The following ADAM12 variants were observed in gnomAD, a reference collection of about 807,000 sequenced individuals.
ADAM12 encodes disintegrin and metalloproteinase domain-containing protein 12.
ADAM12 carries 70 observed loss-of-function variants against 106.4 expected under a neutral mutation model. The observed-to-expected ratio is 0.66, with a 90% confidence interval of 0.54 to 0.80. ADAM12 has a LOEUF of 0.80. Among genes scored for constraint, ADAM12 ranks in the 30% least tolerant of loss-of-function variants. ADAM12 has a pLI of 0.00. For synonymous variants in ADAM12, 420 were observed against 433.5 expected, an observed-to-expected ratio of 0.97 and a Z score of 0.39; for missense variants, 1,010 against 1,171.9, an observed-to-expected ratio of 0.86 and a Z score of 2.02.
chr10:126,017,852 A>C (rs1372290773), intron 22 of ADAM12, among the ~76,000 whole-genome samples: 1 of 152,244 alleles, frequency 6.6e-6, no homozygotes, highest in Admixed American at 6.5e-5. Flanking sequence ...TGTGCAGGAC[A>C]GGACCAAAAT....
intron 5 of ADAM12, among the ~76,000 whole-genome samples, chr10:126,123,939 A>C (rs3781041): frequency 1.3e-5 from 2 of 152,302 alleles, no homozygotes; most frequent in East Asian, 3.9e-4. Context: ...ATCTATTAAA[A>C]TTTTATTAGT....
chr10:126,279,166 G>A (rs1590724134), intron 2 of ADAM12, among the ~76,000 whole-genome samples, 178 bp from the exon 3 acceptor site: 1 of 152,236 alleles, frequency 6.6e-6, no homozygotes, highest in African/African-American at 2.4e-5. Flanking sequence ...CTTAAAAAGA[G>A]CAGTGAAGGC....
chr10:126,200,856 T>C, intron 3 of ADAM12, among the ~76,000 whole-genome samples: 1 of 145,766 alleles, frequency 6.9e-6, no homozygotes, highest in East Asian at 2.3e-4. Flanking sequence ...TTTGTGTACG[T>C]GATGGGGGCA....
At chr10:126,243,849 G>A (rs1958578687) in intron 3 of ADAM12, among the ~76,000 whole-genome samples, 1 of 152,156 alleles carries the variant, frequency 6.6e-6, no homozygotes, top group South Asian at 2.1e-4. Context: ...GTCGTGGGAT[G>A]GCACAGACAT....
At chr10:126,140,524 T>C (rs1381942867) in intron 4 of ADAM12, among the ~76,000 whole-genome samples, 4 of 152,152 alleles carry the variant, frequency 2.6e-5, no homozygotes. Context: ...ATCTCACTTC[T>C]CTCAGTCATT....
At chr10:126,039,563 C>T in intron 18 of ADAM12, 134 bp from the exon 19 acceptor site, 1 of 1,044,846 alleles carries the variant, frequency 9.6e-7, no homozygotes, top group Non-Finnish European at 1.4e-6. Context: ...GAGTGATGTA[C>T]TAATAAACTG....
At chr10:126,032,544 C>A (rs960987412) in intron 21 of ADAM12, among the ~76,000 whole-genome samples, 1 of 152,160 alleles carries the variant, frequency 6.6e-6, no homozygotes, top group Non-Finnish European at 1.5e-5. Flanking sequence ...GAGAAAAAAA[C>A]ACCAGCAGTA....
chr10:126,346,833 T>A (rs923920116), intron 1 of ADAM12, among the ~76,000 whole-genome samples: 1 of 152,228 alleles, frequency 6.6e-6, no homozygotes, highest in Non-Finnish European at 1.5e-5. Context: ...TATCAGAGAC[T>A]AGGTTTGCAA....
chr10:126,070,768 G>C (rs1208702231), intron 12 of ADAM12: 1 of 152,028 alleles, frequency 6.6e-6, no homozygotes. Flanking sequence ...ACTTCGAGGG[G>C]GCACCTGTTT....
At chr10:126,023,508 C>T (rs1953808928) in intron 21 of ADAM12, among the ~76,000 whole-genome samples, 1 of 152,294 alleles carries the variant, frequency 6.6e-6, no homozygotes, top group South Asian at 2.1e-4. Context: ...CAACCAAGGT[C>T]AAGACATATG....
intron 3 of ADAM12, among the ~76,000 whole-genome samples, chr10:126,217,805 C>T (rs950914590): frequency 1.3e-5 from 2 of 151,552 alleles, no homozygotes; most frequent in Non-Finnish European, 2.9e-5. Context: ...GAAACCTCAT[C>T]TCTACTAAAA....
intron 1 of ADAM12, among the ~76,000 whole-genome samples, chr10:126,373,588 T>C (rs1856185720): frequency 1.3e-5 from 2 of 152,140 alleles, no homozygotes; most frequent in Admixed American, 6.5e-5. Flanking sequence ...CAACACTGTA[T>C]CCCCAGTTCC....
rs1384143969 is a variant in ADAM12, at chr10:126,066,461, G to C, written c.1413+256C>G. The stretch of plus-strand genomic sequence containing the variant: ...ATGGAGCATTTAAAGTTGAACTAGG[G>C]TTTATCGGTCTGATCAGTTGTCAGC... On this transcript the variant is annotated intron_variant, in intron 13 of 22. Coordinates refer to ENST00000448723, the MANE Select transcript of ADAM12 (RefSeq NM_001288973.2). The surrounding 1 kb of genome is among the most constrained non-coding windows in gnomAD (Gnocchi z 5.1). 6.6e-6 allele frequency among the ~76,000 whole-genome samples: 1 copy of C among 152,200 alleles called. No homozygotes were observed. The highest frequency in any genetic ancestry group is 1.5e-5 in the Non-Finnish European group (1 of 68,036).
At chr10:126,386,369 G>T (rs1386222448) in intron 1 of ADAM12, among the ~76,000 whole-genome samples, 1 of 152,196 alleles carries the variant, frequency 6.6e-6, no homozygotes, top group East Asian at 1.9e-4. Context: ...CCAATGCAAA[G>T]AAATGTTTCA....
At chr10:126,139,551 T>C (rs1188390346) in intron 4 of ADAM12, among the ~76,000 whole-genome samples, 1 of 152,022 alleles carries the variant, frequency 6.6e-6, no homozygotes, top group African/African-American at 2.4e-5. Context: ...GGATCCTTCA[T>C]ACAACACTGA....
In ADAM12 at chr10:126,264,029, T is replaced by C. The variant is rs369755063; in HGVS notation, c.260+14886A>G. On this transcript the variant is annotated intron_variant, in intron 3 of 22. Coordinates refer to ENST00000448723, the MANE Select transcript of ADAM12 (RefSeq NM_001288973.2). ...TTGTAGGGCTAGTATTTTTAGTAAG[T>C]TTTTAATGTCACTTCATATTTTTTC... is the stretch of plus-strand genomic sequence containing the variant. Among the ~76,000 whole-genome samples, 7 of 152,244 alleles carry C rather than the reference T, an allele frequency of 4.6e-5. No individual in the cohort carries two copies. The East Asian group carries it at 5.8e-4, about 13-fold the overall frequency.
intron 10 of ADAM12, 102 bp downstream of exon 10, chr10:126,098,314 A>G (rs1286129408): frequency 2.2e-6 from 2 of 895,990 alleles, no homozygotes; most frequent in Non-Finnish European, 3.6e-6. Flanking sequence ...AAATCTAAAA[A>G]GCATTAAAGG....
At position 126,301,121 on chromosome 10, in the gene ADAM12, C is replaced by T. The variant is rs534513558; in HGVS notation, c.187-22133G>A. On this transcript the variant is annotated intron_variant, in intron 2 of 22. Coordinates refer to ENST00000448723, the MANE Select transcript of ADAM12 (RefSeq NM_001288973.2). The stretch of plus-strand genomic sequence containing the variant: ...GGTAGAGTCCAGGGGTGCCGCTAAA[C>T]ATTGTACAATGCACAGGACAGTACC... Among the ~76,000 whole-genome samples, 4 of 152,272 alleles carry T rather than the reference C, an allele frequency of 2.6e-5. No homozygotes were observed. In the East Asian group the frequency reaches 7.7e-4, roughly 29 times the overall value.
Position 126,218,059 on chromosome 10 carries a change from A to AT in ADAM12, c.260+60855dup, listed in dbSNP as rs35230370. Among the ~76,000 whole-genome samples, 1,059 of 151,972 alleles carry AT rather than the reference A, an allele frequency of 7.0e-3. 39 individuals carry two copies. Among genetic ancestry groups the AT allele is most frequent in the Admixed American group, 0.063 (962 of 15,212 alleles). On this transcript the variant is annotated intron_variant, in intron 3 of 22. Coordinates refer to ENST00000448723, the MANE Select transcript of ADAM12 (RefSeq NM_001288973.2). ...ACATGGAAGTATAACGTAAATAAGG[A>AT]TTTTTTGGTACTAGGTACTTCAGTC...
Sources: allele counts gnomAD v4.1 joint callset (sites outside exome capture counted in the v4.1 genomes callset), GRCh38; gene constraint gnomAD v4.1.1; non-coding constraint Gnocchi (gnomAD v3.1); transcripts MANE v1.5; gene names NCBI Gene and HGNC (gene_info 2026-07-23, HGNC 2026-07-21).